The following EFCAB3 variants were observed in gnomAD, a reference collection of about 807,000 sequenced individuals.
EFCAB3 encodes EF-hand calcium-binding domain-containing protein 3.
EFCAB3 carries 36 observed loss-of-function variants against 42.2 expected under a neutral mutation model. The ratio of observed to expected loss-of-function variants is 0.85; its 90% CI spans 0.65 to 1.13. EFCAB3 has a LOEUF of 1.13. Among genes scored for constraint, EFCAB3 ranks in the 50% most tolerant of loss-of-function variants. The pLI, the probability that EFCAB3 is intolerant of heterozygous loss-of-function variation, is 0.00. For synonymous variants in EFCAB3, 170 were observed against 172.8 expected (o/e 0.98, Z 0.13); for missense variants, 418 against 505.1 (o/e 0.83, Z 1.65).
chr17:62,374,109 C>A (rs1212246545), intron 2 of EFCAB3, among the ~76,000 whole-genome samples: 1 of 152,064 alleles, frequency 6.6e-6, no homozygotes, highest in African/African-American at 2.4e-5. Flanking sequence ...GCTTTTTTAT[C>A]CATGTCCAAT....
rs201347107 is a variant in EFCAB3, at chr17:62,407,228, T to C, written c.867+16T>C. ...GAAAACACAGGTGAGATTTAGATTA[T>C]GTCACATTAGTTAAATACTTGGATT... On this transcript the variant is annotated intron_variant, in intron 8 of 9. Coordinates refer to ENST00000305286, the MANE Select transcript of EFCAB3 (RefSeq NM_173503.4). 3.1e-5 allele frequency: 48 copies of C among 1,538,866 alleles called. No homozygotes were observed. In the Middle Eastern group the frequency reaches 9.0e-4, roughly 29 times the overall value.
At chr17:62,397,143 G>A (rs1323612276) in intron 6 of EFCAB3, among the ~76,000 whole-genome samples, 1 of 152,070 alleles carries the variant, frequency 6.6e-6, no homozygotes, top group Non-Finnish European at 1.5e-5. Context: ...GCTGATGTTG[G>A]CATTTTTATT....
upstream of EFCAB3, among the ~76,000 whole-genome samples, chr17:62,378,951 C>T (rs2070173286): frequency 6.6e-6 from 1 of 151,728 alleles, no homozygotes; most frequent in Non-Finnish European, 1.5e-5. Context: ...GGGTTGGGGG[C>T]AGAATTAGGT....
At chr17:62,410,463 A>G (rs1479268914) in intron 8 of EFCAB3, among the ~76,000 whole-genome samples, 1 of 151,828 alleles carries the variant, frequency 6.6e-6, no homozygotes, top group Admixed American at 6.6e-5. Flanking sequence ...ACGTTAAAAT[A>G]TTGGATAGGG....
rs118102155 is a variant in EFCAB3 at position 62,413,394 on chromosome 17, G to A, written c.868-338G>A. Among the ~76,000 whole-genome samples, 54 of 152,134 alleles carry A rather than the reference G, an allele frequency of 3.5e-4. 1 individual carries two copies. In the East Asian group the frequency reaches 0.01, roughly 28 times the overall value. ...TATTGATCAAGATGAAAAAACATGG[G>A]TATACTCATAAGTTACAGATACGTT... On this transcript the variant is annotated intron_variant, in intron 8 of 9. Coordinates refer to ENST00000305286, the MANE Select transcript of EFCAB3 (RefSeq NM_173503.4).
intron 3 of EFCAB3, among the ~76,000 whole-genome samples, chr17:62,387,631 T>A (rs1013387587): frequency 1.3e-5 from 2 of 152,026 alleles, no homozygotes; most frequent in South Asian, 4.2e-4. Context: ...AATAACTGTA[T>A]TCAAAGAAGA....
chr17:62,413,874 T>C lies in EFCAB3; in HGVS notation c.990+20T>C, dbSNP rs1200778621. 6.2e-7 allele frequency: 1 copy of C among 1,600,110 alleles called. No individual in the cohort carries two copies. Among genetic ancestry groups the C allele is most frequent in the Admixed American group, 1.8e-5 (1 of 56,624 alleles). On this transcript the variant is annotated intron_variant, in intron 9 of 9. Coordinates refer to ENST00000305286, the MANE Select transcript of EFCAB3 (RefSeq NM_173503.4). ...CAACATGTGAGTATTCCTTGTTGAGTTCCTTCCCAGAAATCACTGACAAAA... is the reference window on the plus strand; with the variant it reads ...CAACATGTGAGTATTCCTTGTTGAGCTCCTTCCCAGAAATCACTGACAAAA...
chr17:62,390,604 C>A (rs889921040), intron 3 of EFCAB3, among the ~76,000 whole-genome samples: 12 of 152,196 alleles, frequency 7.9e-5, no homozygotes, highest in African/African-American at 2.9e-4. Context: ...TGGAGCAATA[C>A]CTGGTCCATG....
At chr17:62,382,784 A>C (rs2070214233) in intron 1 of EFCAB3, among the ~76,000 whole-genome samples, 179 bp from the exon 2 acceptor site, 2 of 152,230 alleles carry the variant, frequency 1.3e-5, no homozygotes, top group African/African-American at 4.8e-5. Context: ...GGAACAACGA[A>C]GGGGAATTTC....
At chr17:62,406,867 A>C (rs2070452433) in intron 7 of EFCAB3, among the ~76,000 whole-genome samples, 161 bp from the exon 8 acceptor site, 2 of 118,964 alleles carry the variant, frequency 1.7e-5, no homozygotes, top group Admixed American at 1.1e-4. Flanking sequence ...GATGAAGCCT[A>C]GAGTCTGTGG....
intron 8 of EFCAB3, among the ~76,000 whole-genome samples, chr17:62,409,951 G>C (rs2070480783): frequency 6.6e-6 from 1 of 152,034 alleles, no homozygotes; most frequent in South Asian, 2.1e-4. Context: ...TGTAATCCCA[G>C]CACTTTGGGA....
chr17:62,395,178 G>T lies in EFCAB3; in HGVS notation c.478G>T (p.Glu160Ter). The T allele has an allele frequency of 6.2e-7, 1 of 1,612,914 alleles. No individual in the cohort carries two copies. The highest frequency in any genetic ancestry group is 8.5e-7 in the Non-Finnish European group (1 of 1,179,602). The change falls in exon 6 of 10, where the codon GAA becomes TAA. Residue 160 changes from glutamate (E) to a stop codon, truncating the protein, a stop_gained. Coordinates refer to ENST00000305286, the MANE Select transcript of EFCAB3 (RefSeq NM_173503.4). LOFTEE classifies it high-confidence loss of function. ...TSALPRKSII[E>*]IVSYFQRKFQ... ...AGCCCTACCCAGAAAGTCTATAATAGAAATAGTAAGGTAAGTGAGAAGGAA... is the reference window on the plus strand; with the variant it reads ...AGCCCTACCCAGAAAGTCTATAATATAAATAGTAAGGTAAGTGAGAAGGAA...
intron 9 of EFCAB3, among the ~76,000 whole-genome samples, chr17:62,415,418 C>T (rs757437340): frequency 3.9e-5 from 6 of 152,232 alleles, no homozygotes; most frequent in Non-Finnish European, 8.8e-5. Context: ...GCTAGCCTCA[C>T]AGAGATTACT....
At chr17:62,389,872 C>T (rs1382638543) in intron 3 of EFCAB3, among the ~76,000 whole-genome samples, 4 of 151,832 alleles carry the variant, frequency 2.6e-5, no homozygotes, top group East Asian at 3.9e-4. Context: ...CTGCAAGCTC[C>T]GCCTCCCAGG....
intron 6 of EFCAB3, among the ~76,000 whole-genome samples, chr17:62,403,024 A>G (rs376085942): frequency 2.0e-5 from 3 of 152,186 alleles, no homozygotes; most frequent in Admixed American, 6.5e-5. Context: ...TTGGGAGGGT[A>G]TATGTGTCCA....
Position 62,395,187 on chromosome 17 carries a change from AG to A in EFCAB3, c.488+1del. Reference protein sequence around the residue: ...LPRKSIIEIVSYFQRKFQHTG... With the variant: ...LPRKSIIEIVXYFQRKFQHTG... ...CAGAAAGTCTATAATAGAAATAGTA[AG>A]GTAAGTGAGAAGGAAAGGAGCAAAA... On this transcript the variant is annotated frameshift_variant and splice_region_variant, in exon 6 of 10. Coordinates refer to ENST00000305286, the MANE Select transcript of EFCAB3 (RefSeq NM_173503.4). LOFTEE classifies it high-confidence loss of function. The A allele has an allele frequency of 1.9e-6, 3 of 1,611,910 alleles. No individual in the cohort carries two copies. The highest frequency in any genetic ancestry group is 2.5e-6 in the Non-Finnish European group (3 of 1,179,480).
At chr17:62,381,729 A>C in intron 1 of EFCAB3, 1 of 276,812 alleles carries the variant, frequency 3.6e-6, no homozygotes, top group Non-Finnish European at 7.2e-6. Context: ...CCTCAGAGCC[A>C]AAGACATCAA....
At chr17:62,401,503 A>G (rs1201122170) in intron 6 of EFCAB3, among the ~76,000 whole-genome samples, 1 of 152,326 alleles carries the variant, frequency 6.6e-6, no homozygotes, top group Non-Finnish European at 1.5e-5. Flanking sequence ...AGCTTTCTAC[A>G]TATGGCTAGC....
intron 3 of EFCAB3, among the ~76,000 whole-genome samples, chr17:62,390,019 C>T (rs991355846): frequency 6.6e-6 from 1 of 151,922 alleles, no homozygotes; most frequent in Admixed American, 6.6e-5. Context: ...ATCTCCTGAC[C>T]TCGTGATCCA....
Sources: allele counts gnomAD v4.1 joint callset (sites outside exome capture counted in the v4.1 genomes callset), GRCh38; gene constraint gnomAD v4.1.1; transcripts MANE v1.5; gene names NCBI Gene and HGNC (gene_info 2026-07-23, HGNC 2026-07-21).